Variants in C8orf34 observed in about 807,000 individuals in gnomAD.
C8orf34 encodes the protein chromosome 8 open reading frame 34.
C8orf34 carries 65 observed loss-of-function variants against 68.3 expected under a neutral mutation model. The ratio of observed to expected loss-of-function variants is 0.95; its 90% CI spans 0.78 to 1.17. The LOEUF (loss-of-function observed/expected upper bound fraction) is 1.17, where lower values mean the gene tolerates loss of function less well. Ranked by LOEUF, C8orf34 falls within the 50% of genes most tolerant of loss-of-function variation. The probability of loss-of-function intolerance (pLI) is 0.00; values close to 1 mark genes in which losing one functional copy is unlikely to be tolerated. For synonymous variants in C8orf34, 244 were observed against 241.2 expected, an observed-to-expected ratio of 1.01 and a Z score of -0.11; for missense variants, 664 against 655.4, an observed-to-expected ratio of 1.01 and a Z score of -0.14.
intron 7 of C8orf34, among the ~76,000 whole-genome samples, chr8:68,613,795 G>A (rs1818103908): frequency 6.6e-6 from 1 of 152,028 alleles, no homozygotes; most frequent in South Asian, 2.1e-4. Flanking sequence ...AGTCTTTTGG[G>A]TATATACCCA....
intron 8 of C8orf34, among the ~76,000 whole-genome samples, chr8:68,658,493 A>C (rs915516302): frequency 6.6e-6 from 1 of 152,120 alleles, no homozygotes; most frequent in African/African-American, 2.4e-5. Flanking sequence ...ATTCCCACTT[A>C]ATGTAAGCGC....
chr8:68,811,511 T>C (rs1824651576), intron 12 of C8orf34, among the ~76,000 whole-genome samples: 1 of 152,144 alleles, frequency 6.6e-6, no homozygotes, highest in African/African-American at 2.4e-5. Flanking sequence ...GGAGTGCACA[T>C]CCCTGGCCAC....
intron 6 of C8orf34, chr8:68,530,766 T>TA (rs1815210486): frequency 3.3e-6 from 1 of 299,268 alleles, no homozygotes; most frequent in East Asian, 1.6e-4. Context: ...TTAGTCAAAT[T>TA]AAAAAATTAC....
chr8:68,496,124 C>A (rs986571879), intron 5 of C8orf34, among the ~76,000 whole-genome samples: 1 of 152,078 alleles, frequency 6.6e-6, no homozygotes, highest in African/African-American at 2.4e-5. Context: ...ACTTTTTCCT[C>A]TTAAGAAATA....
intron 4 of C8orf34, among the ~76,000 whole-genome samples, chr8:68,481,968 T>C (rs534774141): frequency 2.2e-4 from 34 of 152,158 alleles, no homozygotes; most frequent in Non-Finnish European, 3.5e-4. Flanking sequence ...TGTGAGGACA[T>C]GAGATTTGGA....
chr8:68,485,741 A>AAATG (rs1166673857), intron 4 of C8orf34, among the ~76,000 whole-genome samples: 1 of 150,922 alleles, frequency 6.6e-6, no homozygotes, highest in Non-Finnish European at 1.5e-5. Flanking sequence ...ATAAATAAAT[A>AAATG]AATAAATAAA....
At chr8:68,591,809 G>A (rs1817396198) in intron 7 of C8orf34, among the ~76,000 whole-genome samples, 1 of 152,108 alleles carries the variant, frequency 6.6e-6, no homozygotes, top group African/African-American at 2.4e-5. Context: ...AATTAAATGT[G>A]ATTTGGGGAA....
intron 1 of C8orf34, among the ~76,000 whole-genome samples, chr8:68,384,449 T>C (rs1431975289): frequency 6.6e-6 from 1 of 152,248 alleles, no homozygotes; most frequent in Non-Finnish European, 1.5e-5. Context: ...GTCTGCGCTT[T>C]TGTTGCCAAG....
chr8:68,517,347 T>A (rs1316593482), intron 5 of C8orf34, among the ~76,000 whole-genome samples: 1 of 152,212 alleles, frequency 6.6e-6, no homozygotes, highest in Non-Finnish European at 1.5e-5. Flanking sequence ...ATATACATTT[T>A]TAAAAGGAGA....
At chr8:68,425,730 A>G (rs1203442501) in intron 1 of C8orf34, among the ~76,000 whole-genome samples, 3 of 67,746 alleles carry the variant, frequency 4.4e-5, no homozygotes, top group African/African-American at 1.0e-4. Context: ...TTTTGGAAGG[A>G]AAAAAAAAAA....
At chr8:68,416,443 A>G (rs1809668567) in intron 1 of C8orf34, among the ~76,000 whole-genome samples, 1 of 152,172 alleles carries the variant, frequency 6.6e-6, no homozygotes, top group Non-Finnish European at 1.5e-5. Flanking sequence ...AGAAACTGGC[A>G]TATAGTAGAT....
chr8:68,794,476 A>AATATATATATATATATAT (rs1563673874), intron 12 of C8orf34, among the ~76,000 whole-genome samples: 4 of 111,658 alleles, frequency 3.6e-5, no homozygotes, highest in Admixed American at 8.7e-5. Flanking sequence ...CCAGTATATA[A>AATATATATATATATATAT]ATATAAATAT....
At chr8:68,540,774 G>C (rs560694937) in intron 7 of C8orf34, among the ~76,000 whole-genome samples, 1 of 152,074 alleles carries the variant, frequency 6.6e-6, no homozygotes, top group East Asian at 1.9e-4. Flanking sequence ...CCCAGGAGGC[G>C]GAGGTTGCAG....
At chr8:68,335,672 G>A (rs1024193152) in intron 1 of C8orf34, among the ~76,000 whole-genome samples, 1 of 151,984 alleles carries the variant, frequency 6.6e-6, no homozygotes, top group African/African-American at 2.4e-5. Flanking sequence ...TTTTCATGCA[G>A]CTTTTAAATA....
intron 7 of C8orf34, among the ~76,000 whole-genome samples, chr8:68,625,853 AGAT>A (rs1014478851): frequency 6.6e-6 from 1 of 152,174 alleles, no homozygotes; most frequent in African/African-American, 2.4e-5. Flanking sequence ...TTTGGAGGGG[AGAT>A]GATAAGGATA....
At chr8:68,528,578 A>G (rs1284770696) in intron 6 of C8orf34, among the ~76,000 whole-genome samples, 1 of 152,068 alleles carries the variant, frequency 6.6e-6, no homozygotes, top group African/African-American at 2.4e-5. Flanking sequence ...TTGTTTCCCT[A>G]TTCTGTGGCT....
chr8:68,688,737 G>GA (rs1376348203), intron 8 of C8orf34, among the ~76,000 whole-genome samples: 4 of 152,066 alleles, frequency 2.6e-5, no homozygotes, highest in Admixed American at 6.6e-5. Flanking sequence ...CACAGGAGCA[G>GA]AAAACCAAAC....
intron 8 of C8orf34, among the ~76,000 whole-genome samples, chr8:68,651,071 C>T (rs923665168): frequency 6.6e-6 from 1 of 152,184 alleles, no homozygotes; most frequent in Non-Finnish European, 1.5e-5. Flanking sequence ...CTCTATCTGC[C>T]TAAATTTCTT....
intron 10 of C8orf34, among the ~76,000 whole-genome samples, chr8:68,744,194 T>C (rs1822400456): frequency 6.6e-6 from 1 of 152,002 alleles, no homozygotes; most frequent in Non-Finnish European, 1.5e-5. Flanking sequence ...GAAGGAAAAC[T>C]AACAAACAGA....
Sources: gnomAD v4.1 joint callset for allele counts (sites outside exome capture counted in the v4.1 genomes callset) on GRCh38, gnomAD v4.1.1 for gene constraint, MANE v1.5 for transcripts, NCBI Gene and HGNC (gene_info 2026-07-23, HGNC 2026-07-21) for gene names.